The following ASCC3 variants were observed in gnomAD, a reference collection of about 807,000 sequenced individuals.
ASCC3 encodes the protein activating signal cointegrator 1 complex subunit 3.
Under a neutral mutation model 256.3 loss-of-function variants are expected in ASCC3, and 158 were observed. That is an observed-to-expected ratio of 0.62 (90% confidence interval 0.54 to 0.70). ASCC3 has a LOEUF of 0.70. Ranked by LOEUF, ASCC3 falls within the 30% of genes least tolerant of loss-of-function variation. The pLI, the probability that ASCC3 is intolerant of heterozygous loss-of-function variation, is 0.00. For missense variants in ASCC3, 2,259 were observed against 2,626.0 expected, an observed-to-expected ratio of 0.86 and a Z score of 3.05; for synonymous variants, 948 against 883.4, an observed-to-expected ratio of 1.07 and a Z score of -1.30.
intron 39 of ASCC3, among the ~76,000 whole-genome samples, chr6:100,515,296 C>T (rs142495270): frequency 2.4e-4 from 37 of 152,000 alleles, no homozygotes; most frequent in African/African-American, 8.7e-4. Context: ...GTATTTTGTG[C>T]CAATCTTGGG....
At chr6:100,730,157 A>ACT (rs1252670070) in intron 10 of ASCC3, among the ~76,000 whole-genome samples, 1 of 151,774 alleles carries the variant, frequency 6.6e-6, no homozygotes, top group Non-Finnish European at 1.5e-5. Flanking sequence ...AAAAAAATTA[A>ACT]CTGGATGTGG....
chr6:100,590,882 C>T (rs1425916298), intron 34 of ASCC3, among the ~76,000 whole-genome samples: 2 of 151,866 alleles, frequency 1.3e-5, no homozygotes, highest in African/African-American at 4.8e-5. Context: ...TAAAAATACA[C>T]AAAGCAGGAC....
chr6:100,725,139 A>C (rs944578955), intron 11 of ASCC3, among the ~76,000 whole-genome samples: 5 of 152,040 alleles, frequency 3.3e-5, no homozygotes, highest in African/African-American at 7.2e-5. Context: ...TGAATAAAAG[A>C]CAATAAATGA....
intron 24 of ASCC3, among the ~76,000 whole-genome samples, chr6:100,640,571 T>C (rs1775073736): frequency 6.6e-6 from 1 of 152,224 alleles, no homozygotes; most frequent in Non-Finnish European, 1.5e-5. Flanking sequence ...CAAAGATTAA[T>C]GATGTTTGAA....
chr6:100,648,332 G>T (rs1020598943), intron 20 of ASCC3, among the ~76,000 whole-genome samples: 1 of 151,944 alleles, frequency 6.6e-6, no homozygotes, highest in African/African-American at 2.4e-5. Flanking sequence ...TTTTTTAAAT[G>T]AACTTATACC....
chr6:100,736,482 C>T (rs1780175111), intron 10 of ASCC3, among the ~76,000 whole-genome samples: 1 of 149,970 alleles, frequency 6.7e-6, no homozygotes, highest in African/African-American at 2.5e-5. Context: ...GCCTGGGCAA[C>T]AAGAGTAAAA....
chr6:100,702,244 A>G (rs1360072371), intron 13 of ASCC3, among the ~76,000 whole-genome samples: 1 of 152,050 alleles, frequency 6.6e-6, no homozygotes, highest in African/African-American at 2.4e-5. Flanking sequence ...CAGACTTAAG[A>G]GATACTTAGG....
At chr6:100,653,635 T>G (rs1468840382) in intron 17 of ASCC3, among the ~76,000 whole-genome samples, 2 of 150,852 alleles carry the variant, frequency 1.3e-5, no homozygotes, top group African/African-American at 4.8e-5. Context: ...GAGGCTGGAG[T>G]GCAGTGGCGT....
At chr6:100,622,809 C>T (rs920482539) in intron 30 of ASCC3, among the ~76,000 whole-genome samples, 5 of 151,334 alleles carry the variant, frequency 3.3e-5, no homozygotes, top group African/African-American at 9.7e-5. Context: ...AGTTTTCTGC[C>T]GATAAAAAAA....
intron 14 of ASCC3, 69 bp from the exon 15 acceptor site, chr6:100,662,605 T>C (rs1776281274): frequency 1.4e-6 from 2 of 1,441,390 alleles, no homozygotes; most frequent in African/African-American, 1.4e-5. Context: ...ATTTCTGTTG[T>C]ATGAGTTCAT....
chr6:100,674,617 T>C (rs1318646515), intron 14 of ASCC3, among the ~76,000 whole-genome samples: 1 of 150,616 alleles, frequency 6.6e-6, no homozygotes, highest in Non-Finnish European at 1.5e-5. Flanking sequence ...ATATGTTAGC[T>C]TATTTATTAC....
chr6:100,757,410 A>T (rs1338531826), intron 10 of ASCC3, among the ~76,000 whole-genome samples: 1 of 151,982 alleles, frequency 6.6e-6, no homozygotes, highest in East Asian at 1.9e-4. Flanking sequence ...GTAAAGAAAT[A>T]AAATAATAAC....
chr6:100,863,407 T>C (rs574447572), intron 3 of ASCC3, among the ~76,000 whole-genome samples: 2 of 152,216 alleles, frequency 1.3e-5, no homozygotes, highest in Non-Finnish European at 2.9e-5. Context: ...GCATCTATAA[T>C]AAGCGACTGA....
intron 16 of ASCC3, among the ~76,000 whole-genome samples, chr6:100,661,304 G>A (rs1776180924): frequency 8.4e-6 from 1 of 118,666 alleles, no homozygotes; most frequent in Non-Finnish European, 1.9e-5. Context: ...GGTCTGCTAT[G>A]TAAATCTTAA....
intron 36 of ASCC3, among the ~76,000 whole-genome samples, chr6:100,563,110 T>C (rs936124762): frequency 6.6e-6 from 1 of 152,176 alleles, no homozygotes; most frequent in Non-Finnish European, 1.5e-5. Context: ...TTAAATATTA[T>C]GATTAAAATT....
At chr6:100,547,538 G>C (rs1769036236) in intron 36 of ASCC3, among the ~76,000 whole-genome samples, 1 of 151,922 alleles carries the variant, frequency 6.6e-6, no homozygotes, top group Non-Finnish European at 1.5e-5. Context: ...TAAAAGAAGG[G>C]CTAAAGATTT....
chr6:100,778,103 G>A (rs199904452), intron 8 of ASCC3, among the ~76,000 whole-genome samples: 2 of 147,136 alleles, frequency 1.4e-5, no homozygotes, highest in Non-Finnish European at 1.5e-5. Flanking sequence ...TAAGATGGTG[G>A]AAAAAAAAAA....
intron 36 of ASCC3, among the ~76,000 whole-genome samples, chr6:100,548,344 C>T (rs1769097095): frequency 6.6e-6 from 1 of 151,876 alleles, no homozygotes; most frequent in Non-Finnish European, 1.5e-5. Context: ...GCTTGATTGA[C>T]AGTTTCAGAA....
At chr6:100,533,030 A>C (rs967860572) in intron 37 of ASCC3, among the ~76,000 whole-genome samples, 1 of 151,910 alleles carries the variant, frequency 6.6e-6, no homozygotes, top group Admixed American at 6.6e-5. Flanking sequence ...TTTGAGTTAT[A>C]GTTATTGTTT....
Sources: allele counts gnomAD v4.1 joint callset (sites outside exome capture counted in the v4.1 genomes callset), GRCh38; gene constraint gnomAD v4.1.1; transcripts MANE v1.5; gene names NCBI Gene and HGNC (gene_info 2026-07-23, HGNC 2026-07-21).